The following CHIC2 variants were observed in gnomAD, a reference collection of about 807,000 sequenced individuals.
The protein encoded by CHIC2 is cysteine rich hydrophobic domain 2.
A neutral mutation model predicts 25.9 loss-of-function variants in CHIC2; 14 were observed. The ratio of observed to expected loss-of-function variants is 0.54; its 90% CI spans 0.36 to 0.85. CHIC2 has a LOEUF of 0.85. Among genes scored for constraint, CHIC2 ranks in the 40% least tolerant of loss-of-function variants. The pLI is 0.01. For missense variants in CHIC2, 146 were observed against 202.0 expected (o/e 0.72, Z 1.68); for synonymous variants, 70 against 72.0 (o/e 0.97, Z 0.14).
rs557464202 is a variant in CHIC2 at position 54,014,282 on chromosome 4, CA to C, written c.331-164del. The stretch of plus-strand genomic sequence containing the variant: ...TAAGCACTAAATGGTAACCTGAACA[CA>C]AAAGAGTACTCTTTCTTAAAAAAGA... On this transcript the variant is annotated intron_variant, in intron 3 of 5. Transcript: ENST00000263921. Among the ~76,000 whole-genome samples the C allele has an allele frequency of 2.0e-5, 3 of 152,180 alleles. No homozygotes were observed. In the East Asian group the frequency reaches 5.8e-4, roughly 29 times the overall value.
chr4:54,028,114 C>A (rs990605900), intron 3 of CHIC2, among the ~76,000 whole-genome samples: 2 of 152,102 alleles, frequency 1.3e-5, no homozygotes, highest in Admixed American at 6.5e-5. Flanking sequence ...AAAGAAAAAT[C>A]TGCTAAACAA....
Position 54,064,565 on chromosome 4 carries a change from A to ACGCCGCTGC in CHIC2, c.-274_-266dup. 2.4e-6 allele frequency: 3 copies of ACGCCGCTGC among 1,276,130 alleles called. No individual in the cohort carries two copies. Among genetic ancestry groups the ACGCCGCTGC allele is most frequent in the Non-Finnish European group, 3.0e-6 (3 of 1,011,710 alleles). 79.1% of individuals were successfully genotyped at this position (1,276,130 alleles called of 1,614,324 possible). A position where few individuals can be genotyped will look rare whatever the true frequency, so the allele number is the denominator to read the frequency against. The stretch of plus-strand genomic sequence containing the variant: ...GAGGCCGACACCTCCACAAGCACAG[A>ACGCCGCTGC]CGCCGCTGCCGCCGCCGCAGCAGCA... On this transcript the variant is annotated 5_prime_UTR_variant, in exon 1 of 6. Coordinates refer to ENST00000263921, the MANE Select transcript of CHIC2 (RefSeq NM_012110.4). The surrounding 1 kb of genome is among the most constrained non-coding windows in gnomAD (Gnocchi z 4.2).
intron 3 of CHIC2, among the ~76,000 whole-genome samples, chr4:54,048,646 G>C (rs76562401): frequency 3.3e-5 from 5 of 152,114 alleles, no homozygotes; most frequent in Middle Eastern, 3.2e-3. Context: ...TAAGGTCACA[G>C]AGAAAAGTGG....
At chr4:54,051,626 T>C (rs1031745665) in intron 1 of CHIC2, among the ~76,000 whole-genome samples, 1 of 152,116 alleles carries the variant, frequency 6.6e-6, no homozygotes, top group Non-Finnish European at 1.5e-5. Context: ...GATTTACTTA[T>C]ATATCTTCAG....
At chr4:54,071,956 C>G in the CHIC2 span, among the ~76,000 whole-genome samples, 1 of 151,890 alleles carries the variant, frequency 6.6e-6, no homozygotes, top group African/African-American at 2.4e-5. Context: ...CTCTTAGATT[C>G]TCCTGGAGTA....
At chr4:54,022,570 G>T (rs923810446) in intron 3 of CHIC2, among the ~76,000 whole-genome samples, 17 of 152,018 alleles carry the variant, frequency 1.1e-4, no homozygotes, top group African/African-American at 4.1e-4. Flanking sequence ...ATTAGATCAA[G>T]ACATTTTAAC....
intron 1 of CHIC2, among the ~76,000 whole-genome samples, chr4:54,063,876 C>T (rs997687440): frequency 5.3e-5 from 8 of 152,344 alleles, no homozygotes; most frequent in South Asian, 2.1e-4. Flanking sequence ...AATACACGTA[C>T]TTCCACCCTG....
intron 5 of CHIC2, 26 bp from the exon 6 acceptor site, chr4:54,010,171 TAA>T: frequency 6.5e-7 from 1 of 1,528,452 alleles, no homozygotes; most frequent in African/African-American, 1.4e-5. Context: ...AAAAAGGTTT[TAA>T]AAGATTTAAA....
At chr4:54,039,232 G>C (rs970235717) in intron 3 of CHIC2, among the ~76,000 whole-genome samples, 4 of 151,802 alleles carry the variant, frequency 2.6e-5, no homozygotes, top group Non-Finnish European at 5.9e-5. Flanking sequence ...TTTTTAAAGC[G>C]ATGAATTCAT....
At chr4:54,056,821 CT>C (rs1717191349) in intron 1 of CHIC2, among the ~76,000 whole-genome samples, 1 of 151,966 alleles carries the variant, frequency 6.6e-6, no homozygotes, top group Non-Finnish European at 1.5e-5. Flanking sequence ...AATTTTTTTC[CT>C]CAAATCTAAT....
chr4:54,060,820 A>G (rs1717312080), intron 1 of CHIC2: 1 of 152,140 alleles, frequency 6.6e-6, no homozygotes, highest in Admixed American at 6.5e-5. Flanking sequence ...CGTCAATTAT[A>G]TGAGAAGTCA....
chr4:54,011,760 C>T (rs1715598291), intron 5 of CHIC2, among the ~76,000 whole-genome samples: 1 of 151,872 alleles, frequency 6.6e-6, no homozygotes, highest in Non-Finnish European at 1.5e-5. Context: ...GGCCACTTGT[C>T]TCATTTATTC....
chr4:54,029,079 C>T (rs1422885153), intron 3 of CHIC2, among the ~76,000 whole-genome samples: 5 of 150,754 alleles, frequency 3.3e-5, no homozygotes, highest in Non-Finnish European at 7.4e-5. Context: ...GCCAACATCG[C>T]GCCACCGCAC....
rs181880754 is a variant in CHIC2 at position 54,028,768 on chromosome 4, T to C, written c.331-14649A>G. 1.8e-3 allele frequency among the ~76,000 whole-genome samples: 271 copies of C among 152,362 alleles called. 2 individuals carry two copies. Among genetic ancestry groups the C allele is most frequent in the Non-Finnish European group, 2.9e-3 (200 of 68,036 alleles). On this transcript the variant is annotated intron_variant, in intron 3 of 5. Coordinates refer to ENST00000263921, the MANE Select transcript of CHIC2 (RefSeq NM_012110.4). Reference sequence around the variant, plus strand: ...AAGTTAAACATCAGGAATTTAGCCATTTGGAATAACTGGTATTATAAACTA... The same window carrying C: ...AAGTTAAACATCAGGAATTTAGCCACTTGGAATAACTGGTATTATAAACTA...
rs572424420 is a variant in CHIC2, at chr4:54,044,998, C to A, written c.330+3957G>T. Among the ~76,000 whole-genome samples, 30 of 152,128 alleles carry A rather than the reference C, an allele frequency of 2.0e-4. No homozygotes were observed. In the East Asian group the frequency reaches 5.6e-3, roughly 28 times the overall value. ...ACCGATCCCACAGAAATACAAACTA[C>A]CATCAGAGAATACTGTAAACACCTC... On this transcript the variant is annotated intron_variant, in intron 3 of 5. Transcript: ENST00000263921.
intron 1 of CHIC2, among the ~76,000 whole-genome samples, chr4:54,057,004 G>A (rs914988644): frequency 1.3e-5 from 2 of 152,126 alleles, no homozygotes; most frequent in Non-Finnish European, 2.9e-5. Flanking sequence ...GAAAGTGCAG[G>A]TATGCCATCA....
chr4:54,020,650 CG>C (rs1313897991), intron 3 of CHIC2, among the ~76,000 whole-genome samples: 2 of 152,274 alleles, frequency 1.3e-5, no homozygotes, highest in African/African-American at 4.8e-5. Flanking sequence ...AATTTCAAAT[CG>C]GGTAAGCGGT....
Position 54,064,456 on chromosome 4 carries a change from AG to A in CHIC2, c.-157del. On this transcript the variant is annotated 5_prime_UTR_variant, in exon 1 of 6. It removes the in-frame stop codon of an upstream open reading frame in the 5' UTR. Transcript: ENST00000263921. The surrounding 1 kb of genome is among the most constrained non-coding windows in gnomAD (Gnocchi z 4.2). ...TCGGCTGTCTCGGCTCCGGCTACAG[AG>A]GGGATGGGGTCTGGACCGTCGCCGC... 1 of 1,494,044 alleles carries A rather than the reference AG, an allele frequency of 6.7e-7. No individual in the cohort carries two copies. The highest frequency in any genetic ancestry group is 8.9e-7 in the Non-Finnish European group (1 of 1,128,166). The allele number at this position is 1,494,044 out of a possible 1,614,324, so 92.5% of individuals were successfully genotyped here.
chr4:54,079,347 T>C, the CHIC2 span, among the ~76,000 whole-genome samples: 1 of 152,050 alleles, frequency 6.6e-6, no homozygotes, highest in Non-Finnish European at 1.5e-5. Flanking sequence ...CTTGACGTTG[T>C]TATTGGCAAT....
Sources: allele counts gnomAD v4.1 joint callset (sites outside exome capture counted in the v4.1 genomes callset), GRCh38; gene constraint gnomAD v4.1.1; non-coding constraint Gnocchi (gnomAD v3.1); transcripts MANE v1.5; gene names NCBI Gene and HGNC (gene_info 2026-07-23, HGNC 2026-07-21).